FAM91A1: variants seen among roughly 807,000 people sequenced by gnomAD.
FAM91A1 encodes the protein family with sequence similarity 91 member A1, also known as protein FAM91A1.
FAM91A1 carries 41 observed loss-of-function variants against 113.5 expected under a neutral mutation model. That is an observed-to-expected ratio of 0.36 (90% CI 0.28 to 0.47). The LOEUF (loss-of-function observed/expected upper bound fraction) is 0.47. FAM91A1 is among the 20% of genes least tolerant of loss of function. The pLI is 1.00. For synonymous variants in FAM91A1, 307 were observed against 347.9 expected (o/e 0.88, Z 1.31); for missense variants, 696 against 1,001.2 (o/e 0.70, Z 4.11).
chr8:123,813,174 C>T lies in FAM91A1; in HGVS notation c.*470C>T, dbSNP rs778333535. On this transcript the variant is annotated 3_prime_UTR_variant, in exon 24 of 24. Coordinates refer to ENST00000334705, the MANE Select transcript of FAM91A1 (RefSeq NM_144963.4). The stretch of plus-strand genomic sequence containing the variant: ...AGTAGTAAAACTATAAAACAATAAA[C>T]ATCCAGTATTGAGAGATGATATGAT... 6.5e-6 allele frequency: 1 copy of T among 152,748 alleles called. No homozygotes were observed. Among genetic ancestry groups the T allele is most frequent in the Non-Finnish European group, 1.5e-5 (1 of 68,170 alleles). The allele number at this position is 152,748 out of a possible 1,614,324, so 9.5% of individuals were successfully genotyped here. A position where few individuals can be genotyped will look rare whatever the true frequency, so the allele number is the denominator to read the frequency against.
Position 123,814,289 on chromosome 8 carries a change from C to T in FAM91A1, c.*1585C>T. 1 of 262,302 alleles carries T rather than the reference C, an allele frequency of 3.8e-6. No individual in the cohort carries two copies. The highest frequency in any genetic ancestry group is 3.8e-5 in the South Asian group (1 of 26,618). The allele number at this position is 262,302 out of a possible 1,614,324, so 16.2% of individuals were successfully genotyped here. On this transcript the variant is annotated 3_prime_UTR_variant, in exon 24 of 24. Coordinates refer to ENST00000334705, the MANE Select transcript of FAM91A1 (RefSeq NM_144963.4). ...AATTGATATTGTACATTCCTAGTGC[C>T]ATTAGGTATGTATGTATGTAACTTT...
At position 123,814,648 on chromosome 8, in the gene FAM91A1, G is replaced by C. The variant is rs1359932694; in HGVS notation, c.*1944G>C. 1 of 152,844 alleles carries C rather than the reference G, an allele frequency of 6.5e-6. No homozygotes were observed. Among genetic ancestry groups the C allele is most frequent in the Non-Finnish European group, 1.5e-5 (1 of 68,196 alleles). 9.5% of individuals were successfully genotyped at this position (152,844 alleles called of 1,614,324 possible). On this transcript the variant is annotated 3_prime_UTR_variant, in exon 24 of 24. Transcript: ENST00000334705. ...ACCATGGGGTCCCCTCTGGTTTCTT[G>C]TGTTGAATGAGGCAAGGGTAATCAT...
chr8:123,812,480 A>C, intron 23 of FAM91A1, 39 bp from the exon 24 acceptor site: 2 of 1,516,354 alleles, frequency 1.3e-6, no homozygotes, highest in Non-Finnish European at 1.8e-6. Context: ...GTTTTGGTAA[A>C]GTGTTGAATA....
Position 123,768,629 on chromosome 8 carries a change from C to T in FAM91A1, c.-74C>T. ...CCTCCCGCGTCGCTCCGCTGACAGG[C>T]TGCGGGCGGGCAGGCGGGAGGCGTA... On this transcript the variant is annotated 5_prime_UTR_variant, in exon 1 of 24. Coordinates refer to ENST00000334705, the MANE Select transcript of FAM91A1 (RefSeq NM_144963.4). 1.5e-6 allele frequency: 2 copies of T among 1,356,996 alleles called. No individual in the cohort carries two copies. The highest frequency in any genetic ancestry group is 4.7e-5 in the Admixed American group (2 of 42,618). The allele number at this position is 1,356,996 out of a possible 1,614,324, so 84.1% of individuals were successfully genotyped here.
rs755942834 is a variant in FAM91A1, at chr8:123,786,533, A to G, written c.1001A>G (p.Asp334Gly). The stretch of plus-strand genomic sequence containing the variant: ...CCACAGAAGATGCTCTTGTCATGGG[A>G]TGGAGGGGAAAGTAGGAGTCCTGTA... Reference protein sequence around the residue: ...LDPQKMLLSWDGGESRSPVQE... With the variant: ...LDPQKMLLSWGGGESRSPVQE... Residue 334 changes from aspartate (D) to glycine (G), a missense_variant, in exon 12 of 24, where the codon GAT becomes GGT. Coordinates refer to ENST00000334705, the MANE Select transcript of FAM91A1 (RefSeq NM_144963.4). The G allele has an allele frequency of 6.2e-7, 1 of 1,613,980 alleles. No individual in the cohort carries two copies. The highest frequency in any genetic ancestry group is 1.7e-5 in the Admixed American group (1 of 60,016).
Position 123,805,343 on chromosome 8 carries a change from C to A in FAM91A1, c.1882+4C>A, listed in dbSNP as rs371762496. On this transcript the variant is annotated splice_donor_region_variant and intron_variant, in intron 19 of 23. Transcript: ENST00000334705. ...GATGAAACAGAACTACAAGGAGGTA[C>A]CTTTTGAATTGTATCTATTGACTTT... 140 of 1,601,724 alleles carry A rather than the reference C, an allele frequency of 8.7e-5. No homozygotes were observed. The South Asian group carries it at 9.9e-4, about 11-fold the overall frequency.
chr8:123,802,900 A>C (rs1373974713), intron 18 of FAM91A1, among the ~76,000 whole-genome samples: 2 of 152,246 alleles, frequency 1.3e-5, no homozygotes, highest in Non-Finnish European at 2.9e-5. Context: ...TGACTTGAGC[A>C]CTGTGTTTAG....
chr8:123,781,804 G>A (rs1350235457), intron 8 of FAM91A1, among the ~76,000 whole-genome samples: 1 of 152,042 alleles, frequency 6.6e-6, no homozygotes, highest in Non-Finnish European at 1.5e-5. Flanking sequence ...TTTTAAGCTT[G>A]GAAAGATACC....
intron 1 of FAM91A1, among the ~76,000 whole-genome samples, chr8:123,772,388 A>C (rs1814870661): frequency 6.6e-6 from 1 of 152,230 alleles, no homozygotes; most frequent in Non-Finnish European, 1.5e-5. Flanking sequence ...GAGACAGAGA[A>C]AACCTTTAAA....
Position 123,787,140 on chromosome 8 carries a change from G to A in FAM91A1, c.1079-121G>A, listed in dbSNP as rs61706820. On this transcript the variant is annotated intron_variant, in intron 12 of 23. Coordinates refer to ENST00000334705, the MANE Select transcript of FAM91A1 (RefSeq NM_144963.4). ...TGGAACTTCTTATGGCTATAATAGTGCCTTTTTAAAATTATGTACTTTCTG... is the reference window on the plus strand; with the variant it reads ...TGGAACTTCTTATGGCTATAATAGTACCTTTTTAAAATTATGTACTTTCTG... 1.9e-4 allele frequency: 138 copies of A among 712,562 alleles called. No homozygotes were observed. The African/African-American group carries it at 2.3e-3, about 12-fold the overall frequency. The allele number at this position is 712,562 out of a possible 1,614,324, so 44.1% of individuals were successfully genotyped here.
intron 18 of FAM91A1, among the ~76,000 whole-genome samples, chr8:123,801,364 T>C (rs969796183): frequency 6.6e-6 from 1 of 152,198 alleles, no homozygotes; most frequent in African/African-American, 2.4e-5. Flanking sequence ...CAAACACTTA[T>C]AATAATGGCA....
chr8:123,804,079 A>C (rs1815747137), intron 18 of FAM91A1, among the ~76,000 whole-genome samples: 1 of 152,372 alleles, frequency 6.6e-6, no homozygotes, highest in Admixed American at 6.5e-5. Flanking sequence ...AATGTGATAG[A>C]TGAAACTGAA....
intron 8 of FAM91A1, among the ~76,000 whole-genome samples, chr8:123,782,147 A>G (rs1423907540): frequency 1.3e-5 from 2 of 152,230 alleles, no homozygotes; most frequent in Non-Finnish European, 2.9e-5. Context: ...ATTTGAAAAA[A>G]GCAGTCAGAG....
At chr8:123,782,817 A>G (rs919785932) in intron 8 of FAM91A1, among the ~76,000 whole-genome samples, 1 of 152,098 alleles carries the variant, frequency 6.6e-6, no homozygotes, top group African/African-American at 2.4e-5. Context: ...CTTAGATACA[A>G]ATTTTGGCCT....
chr8:123,781,232 G>T (rs1315851243), intron 8 of FAM91A1, among the ~76,000 whole-genome samples: 1 of 151,796 alleles, frequency 6.6e-6, no homozygotes, highest in Non-Finnish European at 1.5e-5. Context: ...TTTAACTATT[G>T]TTCTTGTGTT....
At chr8:123,801,336 A>G (rs1282633049) in intron 18 of FAM91A1, among the ~76,000 whole-genome samples, 3 of 152,356 alleles carry the variant, frequency 2.0e-5, no homozygotes, top group East Asian at 1.9e-4. Flanking sequence ...GGAGATGGCA[A>G]TATCTATTGT....
At position 123,784,677 on chromosome 8, in the gene FAM91A1, A is replaced by T. The variant is rs532795991; in HGVS notation, c.810+101A>T. 5.7e-6 allele frequency: 4 copies of T among 702,534 alleles called. No individual in the cohort carries two copies. In the East Asian group the frequency reaches 9.3e-5, roughly 16 times the overall value. 43.5% of individuals were successfully genotyped at this position (702,534 alleles called of 1,614,324 possible). A position where few individuals can be genotyped will look rare whatever the true frequency, so the allele number is the denominator to read the frequency against. On this transcript the variant is annotated intron_variant, in intron 9 of 23. Coordinates refer to ENST00000334705, the MANE Select transcript of FAM91A1 (RefSeq NM_144963.4). Reference sequence around the variant, plus strand: ...ATGGTAGTATCTTTTTAAAATCTCCATGTGGGGAGATCATACCATTATTAC... The same window carrying T: ...ATGGTAGTATCTTTTTAAAATCTCCTTGTGGGGAGATCATACCATTATTAC...
At chr8:123,796,089 C>T (rs947869518) in intron 15 of FAM91A1, among the ~76,000 whole-genome samples, 8 of 152,098 alleles carry the variant, frequency 5.3e-5, no homozygotes, top group Non-Finnish European at 8.8e-5. Flanking sequence ...ACGCAGAACC[C>T]GCATGTGTTC....
Position 123,799,855 on chromosome 8 carries a change from T to C in FAM91A1, c.1779T>C (p.Asp593=), listed in dbSNP as rs1227899909. 6.2e-7 allele frequency: 1 copy of C among 1,605,750 alleles called. No homozygotes were observed. Among genetic ancestry groups the C allele is most frequent in the Admixed American group, 1.7e-5 (1 of 59,816 alleles). The change falls in exon 18 of 24, where the codon GAT becomes GAC. Residue 593 remains aspartate (D), a synonymous_variant. Transcript: ENST00000334705. ...PTSNVLTMLN[D]ALTHSAVLIQ... ...CAAATGTGCTCACGATGTTGAATGA[T>C]GCTTTAACACATTCTGCAGTTTTAA...
Sources: allele counts gnomAD v4.1 joint callset (sites outside exome capture counted in the v4.1 genomes callset), GRCh38; gene constraint gnomAD v4.1.1; transcripts MANE v1.5; gene names NCBI Gene and HGNC (gene_info 2026-07-23, HGNC 2026-07-21).